Variants in GTF2A2 observed in about 807,000 individuals in gnomAD.
GTF2A2 encodes transcription initiation factor IIA subunit 2.
In GTF2A2, 9 loss-of-function variants were observed where a neutral mutation model predicts 14.3. The observed-to-expected ratio is 0.63, with a 90% CI of 0.38 to 1.10. The LOEUF (loss-of-function observed/expected upper bound fraction) is 1.10. Ranked by LOEUF, GTF2A2 falls within the 50% of genes least tolerant of loss-of-function variation. The pLI, the probability that GTF2A2 is intolerant of heterozygous loss-of-function variation, is 0.01. For synonymous variants in GTF2A2, 56 were observed against 46.0 expected (o/e 1.22, Z -0.88); for missense variants, 90 against 124.6 (o/e 0.72, Z 1.32).
In GTF2A2 at chr15:59,644,970, G is replaced by T. The variant is rs548051391; in HGVS notation, c.178-2708C>A. ...TAAAGGAAGTAAGACCAACTATGAA[G>T]CTGATGTCTGTTAGCTGGGTGAATC... is the stretch of plus-strand genomic sequence containing the variant. On this transcript the variant is annotated intron_variant, in intron 3 of 4. Coordinates refer to ENST00000396060, the MANE Select transcript of GTF2A2 (RefSeq NM_004492.3). Among the ~76,000 whole-genome samples the T allele has an allele frequency of 9.2e-5, 14 of 152,296 alleles. No individual in the cohort carries two copies. The East Asian group carries it at 2.5e-3, about 27-fold the overall frequency.
At chr15:59,642,356 TA>T (rs1414682847) in intron 3 of GTF2A2, 94 bp from the exon 4 acceptor site, 1 of 1,032,778 alleles carries the variant, frequency 9.7e-7, no homozygotes, top group African/African-American at 1.6e-5. Flanking sequence ...ACCAAGAACA[TA>T]ATAAGTTTAA....
At chr15:59,640,578 A>G (rs1389098191) in intron 4 of GTF2A2, among the ~76,000 whole-genome samples, 2 of 152,238 alleles carry the variant, frequency 1.3e-5, no homozygotes, top group African/African-American at 4.8e-5. Flanking sequence ...TACAACAGCC[A>G]TGAGTGGCTA....
intron 3 of GTF2A2, among the ~76,000 whole-genome samples, chr15:59,642,837 G>A: frequency 6.6e-6 from 1 of 152,094 alleles, no homozygotes; most frequent in African/African-American, 2.4e-5. Context: ...TGCGATCTTG[G>A]CTCACTGCAA....
Position 59,650,295 on chromosome 15 carries a change from C to T in GTF2A2, c.177+374G>A, listed in dbSNP as rs1009270825. ...TAGAAATAACTCTACTTCCCTGGAA[C>T]GGGGAAAGGCCAGACTTTGAAAACC... On this transcript the variant is annotated intron_variant, in intron 3 of 4. Transcript: ENST00000396060. Among the ~76,000 whole-genome samples the T allele has an allele frequency of 5.3e-5, 8 of 152,148 alleles. No homozygotes were observed. The East Asian group carries it at 7.7e-4, about 15-fold the overall frequency.
At chr15:59,656,109 G>C (rs1465799192) in intron 1 of GTF2A2, among the ~76,000 whole-genome samples, 1 of 152,098 alleles carries the variant, frequency 6.6e-6, no homozygotes, top group African/African-American at 2.4e-5. Flanking sequence ...GCTTCTATCA[G>C]CCTTTACAAT....
intron 1 of GTF2A2, among the ~76,000 whole-genome samples, chr15:59,656,576 C>G (rs1343771533): frequency 6.6e-6 from 1 of 151,600 alleles, no homozygotes; most frequent in Non-Finnish European, 1.5e-5. Context: ...ACCTGGCACA[C>G]AATAGGAGCC....
chr15:59,649,510 T>C (rs1299203070), intron 3 of GTF2A2, among the ~76,000 whole-genome samples: 2 of 152,214 alleles, frequency 1.3e-5, no homozygotes, highest in African/African-American at 4.8e-5. Flanking sequence ...TGTATTAACA[T>C]GGATCATCTG....
intron 1 of GTF2A2, among the ~76,000 whole-genome samples, chr15:59,653,405 A>G (rs1235050875): frequency 1.3e-5 from 2 of 152,180 alleles, no homozygotes; most frequent in Non-Finnish European, 2.9e-5. Context: ...CAGTCCTTAC[A>G]TTTCACACCT....
intron 3 of GTF2A2, among the ~76,000 whole-genome samples, chr15:59,642,513 G>A (rs1254206708): frequency 1.3e-5 from 2 of 152,080 alleles, no homozygotes; most frequent in Admixed American, 1.3e-4. Flanking sequence ...CCTGAAATAT[G>A]AAGAAAAAAT....
At chr15:59,653,640 C>T (rs1244681276) in intron 1 of GTF2A2, among the ~76,000 whole-genome samples, 3 of 152,108 alleles carry the variant, frequency 2.0e-5, no homozygotes, top group Admixed American at 6.5e-5. Flanking sequence ...TCCAGACTTA[C>T]GGCTTTAAAT....
intron 1 of GTF2A2, among the ~76,000 whole-genome samples, chr15:59,653,196 G>A (rs752732220): frequency 4.5e-4 from 68 of 152,260 alleles, no homozygotes; most frequent in Middle Eastern, 3.4e-3. Flanking sequence ...GCTTCAGTGC[G>A]TGATTTAGAA....
At position 59,639,080 on chromosome 15, in the gene GTF2A2, T is replaced by TCAAAAGCAATGAATAA. The variant is rs1566921650; in HGVS notation, c.*36_*51dup. On this transcript the variant is annotated 3_prime_UTR_variant, in exon 5 of 5. Coordinates refer to ENST00000396060, the MANE Select transcript of GTF2A2 (RefSeq NM_004492.3). Reference sequence around the variant, plus strand: ...TAAAAAGTCTCTTCTATGCTTCTCTTCAAAAGCAATGAATAACAGAAGATG... The same window carrying TCAAAAGCAATGAATAA: ...TAAAAAGTCTCTTCTATGCTTCTCTTCAAAAGCAATGAATAACAAAAGCAATGAATAACAGAAGATG... 1 of 1,055,094 alleles carries TCAAAAGCAATGAATAA rather than the reference T, an allele frequency of 9.5e-7. No homozygotes were observed. Among genetic ancestry groups the TCAAAAGCAATGAATAA allele is most frequent in the Admixed American group, 1.7e-5 (1 of 58,270 alleles). 65.4% of individuals were successfully genotyped at this position (1,055,094 alleles called of 1,614,324 possible). A position where few individuals can be genotyped will look rare whatever the true frequency, so the allele number is the denominator to read the frequency against.
chr15:59,642,254 TAG>T lies in GTF2A2; in HGVS notation c.184_185del (p.Leu62LysfsTer8). 1 of 1,600,852 alleles carries T rather than the reference TAG, an allele frequency of 6.2e-7. No individual in the cohort carries two copies. The highest frequency in any genetic ancestry group is 8.5e-7 in the Non-Finnish European group (1 of 1,175,288). Reference sequence around the variant, plus strand: ...CATTATCGCAGAATCTGTACGTATTTAGAGAGCCCTTTAAAACAAAACATTTA... The same window carrying T: ...CATTATCGCAGAATCTGTACGTATTTAGAGCCCTTTAAAACAAAACATTTA... ...VRNRVNFRGS[L>X]NTYRFCDNVW... On this transcript the variant is annotated frameshift_variant, in exon 4 of 5. Coordinates refer to ENST00000396060, the MANE Select transcript of GTF2A2 (RefSeq NM_004492.3). LOFTEE classifies it high-confidence loss of function.
intron 3 of GTF2A2, among the ~76,000 whole-genome samples, chr15:59,650,207 T>C (rs751088991): frequency 1.3e-5 from 2 of 152,176 alleles, no homozygotes; most frequent in Non-Finnish European, 2.9e-5. Flanking sequence ...TTATCTACCA[T>C]TAGAGATCAG....
chr15:59,643,004 G>A (rs1485407730), intron 3 of GTF2A2, among the ~76,000 whole-genome samples: 1 of 151,110 alleles, frequency 6.6e-6, no homozygotes, highest in East Asian at 1.9e-4. Flanking sequence ...GACCTCAGGT[G>A]ATCCACCCAC....
At chr15:59,647,574 C>T (rs558750423) in intron 3 of GTF2A2, among the ~76,000 whole-genome samples, 1 of 152,092 alleles carries the variant, frequency 6.6e-6, no homozygotes, top group East Asian at 1.9e-4. Context: ...CACAATGGGG[C>T]AACATGTTTT....
intron 1 of GTF2A2, among the ~76,000 whole-genome samples, chr15:59,654,439 G>A (rs1227324079): frequency 6.6e-6 from 1 of 152,096 alleles, no homozygotes; most frequent in Non-Finnish European, 1.5e-5. Context: ...CCATCAGAAA[G>A]GCCTTCTATA....
chr15:59,643,270 G>A (rs866573074), intron 3 of GTF2A2, among the ~76,000 whole-genome samples: 1 of 151,714 alleles, frequency 6.6e-6, no homozygotes, highest in African/African-American at 2.4e-5. Context: ...AGTAGAGACA[G>A]GGTTTCACCA....
At chr15:59,639,736 G>C (rs1039155509) in intron 4 of GTF2A2, among the ~76,000 whole-genome samples, 3 of 151,414 alleles carry the variant, frequency 2.0e-5, no homozygotes, top group Admixed American at 2.0e-4. Flanking sequence ...GGCATTAGAG[G>C]TGTGAGCCAC....
Sources: allele counts gnomAD v4.1 joint callset (sites outside exome capture counted in the v4.1 genomes callset), GRCh38; gene constraint gnomAD v4.1.1; transcripts MANE v1.5; gene names NCBI Gene and HGNC (gene_info 2026-07-23, HGNC 2026-07-21).